The following KDM2A variants were observed in gnomAD, a reference collection of about 807,000 sequenced individuals.
The protein encoded by KDM2A is lysine demethylase 2A.
A neutral mutation model predicts 137.3 loss-of-function variants in KDM2A; 3 were observed. That is an observed-to-expected ratio of 0.02 (90% CI 0.01 to 0.06). KDM2A has a LOEUF of 0.06. Ranked by LOEUF, KDM2A falls within the 10% of genes least tolerant of loss-of-function variation. The pLI is 1.00. For synonymous variants in KDM2A, 512 were observed against 541.5 expected (o/e 0.95, Z 0.76); for missense variants, 738 against 1,510.6 (o/e 0.49, Z 8.48).
chr11:67,123,094 T>G (rs933006012), intron 2 of KDM2A, among the ~76,000 whole-genome samples: 1 of 151,866 alleles, frequency 6.6e-6, no homozygotes, highest in Non-Finnish European at 1.5e-5. Context: ...TCCAGCCTCC[T>G]GAGTAGCTGG....
intron 15 of KDM2A, among the ~76,000 whole-genome samples, chr11:67,246,687 G>A (rs1859222523): frequency 6.6e-6 from 1 of 152,124 alleles, no homozygotes; most frequent in Non-Finnish European, 1.5e-5. Flanking sequence ...TGCAGCCTTT[G>A]TGGAGAACCA....
chr11:67,233,347 C>T (rs938841579), intron 12 of KDM2A, among the ~76,000 whole-genome samples: 4 of 147,064 alleles, frequency 2.7e-5, no homozygotes, highest in African/African-American at 1.0e-4. Flanking sequence ...GGTGAAACCC[C>T]ATCTCTACTA....
At chr11:67,220,834 T>C (rs1216822691) in intron 10 of KDM2A, among the ~76,000 whole-genome samples, 2 of 152,156 alleles carry the variant, frequency 1.3e-5, no homozygotes, top group Non-Finnish European at 2.9e-5. Context: ...CACTGAAAGT[T>C]GAATTTCAGA....
At chr11:67,222,051 CTG>C (rs1348144508) in intron 10 of KDM2A, among the ~76,000 whole-genome samples, 4 of 132,410 alleles carry the variant, frequency 3.0e-5, no homozygotes, top group African/African-American at 1.1e-4. Flanking sequence ...CTGTTTAACT[CTG>C]TCATTCTTTT....
chr11:67,185,496 G>T (rs1375790491), intron 5 of KDM2A, among the ~76,000 whole-genome samples: 3 of 151,972 alleles, frequency 2.0e-5, no homozygotes, highest in African/African-American at 7.3e-5. Flanking sequence ...GGGCATGGTG[G>T]TGGGCCCCTG....
In KDM2A at chr11:67,250,563, C is replaced by T; in HGVS notation, c.2533C>T (p.Pro845Ser). ...VLVQHCPARTPQRGDEEGLGG... is the reference protein window; with the variant it reads ...VLVQHCPARTSQRGDEEGLGG... Reference sequence around the variant, plus strand: ...AGTGCAGCACTGCCCAGCCCGAACCCCCCAGCGTGGGGATGAGGAGGGGCT... The same window carrying T: ...AGTGCAGCACTGCCCAGCCCGAACCTCCCAGCGTGGGGATGAGGAGGGGCT... The change falls in exon 17 of 21, where the codon CCC becomes TCC. Residue 845 changes from proline to serine, a missense_variant. By Grantham distance (74) the Pro-to-Ser change is moderately conservative. Transcript: ENST00000529006. The surrounding 1 kb of genome is among the most constrained non-coding windows in gnomAD (Gnocchi z 7.1). 1 of 1,613,748 alleles carries T rather than the reference C, an allele frequency of 6.2e-7. No homozygotes were observed. Among genetic ancestry groups the T allele is most frequent in the Non-Finnish European group, 8.5e-7 (1 of 1,179,796 alleles).
At chr11:67,159,929 A>G (rs928179881) in intron 2 of KDM2A, among the ~76,000 whole-genome samples, 2 of 152,184 alleles carry the variant, frequency 1.3e-5, no homozygotes, top group Non-Finnish European at 2.9e-5. Flanking sequence ...AATTCGGGAG[A>G]TGGATAGTGG....
At chr11:67,138,588 C>G (rs1305591416) in intron 2 of KDM2A, among the ~76,000 whole-genome samples, 2 of 152,136 alleles carry the variant, frequency 1.3e-5, no homozygotes, top group African/African-American at 2.4e-5. Context: ...CGAGACCAGC[C>G]TGACCAACAT....
chr11:67,247,072 T>TATATATAA lies in KDM2A; in HGVS notation c.1965+956_1965+957insATATATAA, dbSNP rs1491570916. The stretch of plus-strand genomic sequence containing the variant: ...ATATATATATATATATATATATATA[T>TATATATAA]TTTTTTTTTTTTTTTTTTTTTTTTT... On this transcript the variant is annotated intron_variant, in intron 15 of 20. Coordinates refer to ENST00000529006, the MANE Select transcript of KDM2A (RefSeq NM_012308.3). Among the ~76,000 whole-genome samples, 46 of 18,336 alleles carry TATATATAA rather than the reference T, an allele frequency of 2.5e-3. 1 individual carries two copies. The highest frequency in any genetic ancestry group is 0.011 in the South Asian group (3 of 282). The allele number at this position is 18,336 out of a possible 152,430, so 12.0% of individuals were successfully genotyped here. A position where few individuals can be genotyped will look rare whatever the true frequency, so the allele number is the denominator to read the frequency against.
chr11:67,240,724 A>G (rs1215267512), intron 12 of KDM2A, among the ~76,000 whole-genome samples: 5 of 152,064 alleles, frequency 3.3e-5, no homozygotes, highest in Admixed American at 3.3e-4. Context: ...TCCTATCCCA[A>G]ACCCCCTCTA....
At position 67,119,876 on chromosome 11, in the gene KDM2A, G is replaced by A. The variant is rs1052048660; in HGVS notation, c.-257G>A. ...CGACTCCCGGTCTCCAAAGCCAGAA[G>A]AGAAGGTTTGATTCAGCAACTGTTT... On this transcript the variant is annotated 5_prime_UTR_variant, in exon 1 of 21. Coordinates refer to ENST00000529006, the MANE Select transcript of KDM2A (RefSeq NM_012308.3). 1.3e-5 allele frequency: 2 copies of A among 152,156 alleles called. No homozygotes were observed. Among genetic ancestry groups the A allele is most frequent in the Admixed American group, 6.5e-5 (1 of 15,278 alleles). The allele number at this position is 152,156 out of a possible 1,614,324, so 9.4% of individuals were successfully genotyped here. A position where few individuals can be genotyped will look rare whatever the true frequency, so the allele number is the denominator to read the frequency against.
chr11:67,155,213 G>C (rs759583822), intron 2 of KDM2A, among the ~76,000 whole-genome samples: 2 of 152,006 alleles, frequency 1.3e-5, no homozygotes, highest in Non-Finnish European at 2.9e-5. Context: ...ATGGGGTTTT[G>C]CTATGTTGGC....
At chr11:67,157,374 T>C (rs1203630242) in intron 2 of KDM2A, among the ~76,000 whole-genome samples, 2 of 149,576 alleles carry the variant, frequency 1.3e-5, no homozygotes. Flanking sequence ...TAGTCTTTCG[T>C]GTGTGAGTGT....
intron 2 of KDM2A, among the ~76,000 whole-genome samples, chr11:67,135,643 TGTA>T: frequency 6.6e-6 from 1 of 152,344 alleles, no homozygotes; most frequent in South Asian, 2.1e-4. Context: ...TATTCATAAA[TGTA>T]GTGATCGTTT....
intron 2 of KDM2A, among the ~76,000 whole-genome samples, chr11:67,138,096 A>G (rs528055512): frequency 2.2e-4 from 34 of 152,160 alleles, no homozygotes; most frequent in Admixed American, 5.9e-4. Flanking sequence ...GCGCCTGGCC[A>G]AACTATAGTA....
At chr11:67,122,856 T>C (rs1243060294) in intron 2 of KDM2A, among the ~76,000 whole-genome samples, 2 of 151,704 alleles carry the variant, frequency 1.3e-5, no homozygotes, top group Admixed American at 6.6e-5. Context: ...TTTGTACTTT[T>C]AGTAGAGACG....
intron 5 of KDM2A, among the ~76,000 whole-genome samples, chr11:67,201,772 CAAAAAAAAAAAAAAAAAAAA>C (rs71056184): frequency 2.6e-5 from 1 of 37,812 alleles, no homozygotes; most frequent in Non-Finnish European, 4.3e-5. Flanking sequence ...GACTCCATCT[CAAAAAAAAAAAAAAAAAAAA>C]AAAAAAAAAA....
chr11:67,184,625 CA>C (rs556320529), intron 5 of KDM2A, among the ~76,000 whole-genome samples: 10 of 151,862 alleles, frequency 6.6e-5, no homozygotes, highest in African/African-American at 2.2e-4. Flanking sequence ...AGACTCATCT[CA>C]AAAAAAGGTG....
At chr11:67,132,122 C>T (rs966794537) in intron 2 of KDM2A, 1 of 152,146 alleles carries the variant, frequency 6.6e-6, no homozygotes, top group Non-Finnish European at 1.5e-5. Flanking sequence ...GTGGTAAAGA[C>T]AGCATAAGCT....
Sources: allele counts gnomAD v4.1 joint callset (sites outside exome capture counted in the v4.1 genomes callset), GRCh38; gene constraint gnomAD v4.1.1; non-coding constraint Gnocchi (gnomAD v3.1); transcripts MANE v1.5; gene names NCBI Gene and HGNC (gene_info 2026-07-23, HGNC 2026-07-21).